The following HKDC1 variants were observed in gnomAD, a reference collection of about 807,000 sequenced individuals.
The protein encoded by HKDC1 is hexokinase domain containing 1.
Under a neutral mutation model 96.6 loss-of-function variants are expected in HKDC1, and 66 were observed. The observed-to-expected ratio is 0.68, with a 90% CI of 0.56 to 0.84. HKDC1 has a LOEUF of 0.84. Among genes scored for constraint, HKDC1 ranks in the 40% least tolerant of loss-of-function variants. The pLI is 0.00. For synonymous variants in HKDC1, 466 were observed against 473.1 expected, an observed-to-expected ratio of 0.98 and a Z score of 0.20; for missense variants, 1,211 against 1,208.1, an observed-to-expected ratio of 1.00 and a Z score of -0.04.
At chr10:69,261,428 CTCT>C (rs1843809207) in intron 16 of HKDC1, 134 bp downstream of exon 16, 5 of 753,054 alleles carry the variant, frequency 6.6e-6, no homozygotes, top group Non-Finnish European at 8.5e-6. Context: ...CCTGGGGCTG[CTCT>C]TCTCTTTCCA....
At position 69,265,835 on chromosome 10, in the gene HKDC1, G is replaced by A; in HGVS notation, c.2606+17G>A. ...GCACCCTCAGTGAGTGCCCACAAGA[G>A]GCGTGGCGGGTGGGGCTGGGGAGGG... On this transcript the variant is annotated intron_variant, in intron 17 of 17. Transcript: ENST00000354624. 1 of 1,587,518 alleles carries A rather than the reference G, an allele frequency of 6.3e-7. No homozygotes were observed. Among genetic ancestry groups the A allele is most frequent in the Non-Finnish European group, 8.6e-7 (1 of 1,160,426 alleles).
At chr10:69,248,853 G>C in intron 10 of HKDC1, 125 bp downstream of exon 10, 1 of 836,100 alleles carries the variant, frequency 1.2e-6, no homozygotes, top group East Asian at 2.7e-5. Context: ...GCAAGAGTAA[G>C]AAGAAGGCTA....
chr10:69,250,462 T>G, intron 11 of HKDC1, 27 bp downstream of exon 11: 1 of 1,611,940 alleles, frequency 6.2e-7, no homozygotes, highest in Non-Finnish European at 8.5e-7. Flanking sequence ...GCCTTTGGGC[T>G]CCGAGGTGCC....
chr10:69,262,743 T>G (rs902847720), intron 16 of HKDC1, among the ~76,000 whole-genome samples: 63 of 152,152 alleles, frequency 4.1e-4, no homozygotes, highest in Non-Finnish European at 7.5e-4. Flanking sequence ...TATGTATTTT[T>G]GGGGTGTAAA....
At chr10:69,261,464 C>T in intron 16 of HKDC1, 170 bp downstream of exon 16, 2 of 603,170 alleles carry the variant, frequency 3.3e-6, no homozygotes, top group Non-Finnish European at 5.7e-6. Flanking sequence ...TCGCTTTCAA[C>T]AATAATAAAC....
intron 7 of HKDC1, 60 bp from the exon 8 acceptor site, chr10:69,246,019 G>T: frequency 1.3e-6 from 2 of 1,591,902 alleles, no homozygotes; most frequent in Non-Finnish European, 1.7e-6. Flanking sequence ...CCTGGTCTTC[G>T]GGAAATGATG....
At position 69,250,561 on chromosome 10, in the gene HKDC1, C is replaced by T; in HGVS notation, c.1745C>T (p.Ala582Val). The change falls in exon 12 of 18, where the codon GCC becomes GTC. Residue 582 changes from alanine (A) to valine (V), a missense_variant. Ala to Val is a moderately conservative substitution (Grantham distance 64, BLOSUM62 0). Transcript: ENST00000354624. ...ELFDHIVQCI[A>V]DFLDYMGLKG... ...TTTGATCACATTGTGCAGTGCATCG[C>T]CGACTTCCTGGACTACATGGGCCTC... The T allele has an allele frequency of 1.2e-6, 2 of 1,614,138 alleles. No homozygotes were observed. Among genetic ancestry groups the T allele is most frequent in the Non-Finnish European group, 1.7e-6 (2 of 1,180,016 alleles).
intron 14 of HKDC1, among the ~76,000 whole-genome samples, chr10:69,258,294 G>A (rs1359116527): frequency 2.0e-5 from 3 of 152,172 alleles, no homozygotes; most frequent in African/African-American, 7.2e-5. Context: ...TGCCTGGACT[G>A]CTGGGCTGAG....
At chr10:69,238,968 C>T (rs2132347676) in intron 4 of HKDC1, 74 bp from the exon 5 acceptor site, 3 of 1,021,188 alleles carry the variant, frequency 2.9e-6, no homozygotes, top group Middle Eastern at 2.1e-4. Context: ...TGCACGTAGG[C>T]ATGAAGTTTC....
intron 12 of HKDC1, among the ~76,000 whole-genome samples, chr10:69,253,685 C>A (rs767858752): frequency 6.6e-6 from 1 of 152,122 alleles, no homozygotes; most frequent in Non-Finnish European, 1.5e-5. Context: ...CCTTCACTTT[C>A]GAGGCAGCAT....
intron 6 of HKDC1, 102 bp from the exon 7 acceptor site, chr10:69,243,080 C>T (rs998359611): frequency 7.5e-6 from 9 of 1,205,816 alleles, no homozygotes; most frequent in Non-Finnish European, 1.1e-5. Flanking sequence ...ATGAAAAGCA[C>T]TTTGTGGTAC....
chr10:69,238,119 C>G (rs1843391076), intron 4 of HKDC1, among the ~76,000 whole-genome samples: 1 of 152,184 alleles, frequency 6.6e-6, no homozygotes, highest in Non-Finnish European at 1.5e-5. Context: ...CTTTCTTTCT[C>G]TTTATTAAGA....
At chr10:69,222,320 T>A (rs1232722825) in intron 1 of HKDC1, among the ~76,000 whole-genome samples, 1 of 152,124 alleles carries the variant, frequency 6.6e-6, no homozygotes, top group Non-Finnish European at 1.5e-5. Context: ...ATTTAGAGAG[T>A]TGAGTTAGAG....
intron 5 of HKDC1, 46 bp from the exon 6 acceptor site, chr10:69,240,604 AAC>A: frequency 6.7e-7 from 1 of 1,495,534 alleles, no homozygotes; most frequent in Non-Finnish European, 9.3e-7. Flanking sequence ...GAGGGAGGGA[AAC>A]ACCTCCTTCC....
intron 4 of HKDC1, among the ~76,000 whole-genome samples, chr10:69,237,533 TC>T (rs754215366): frequency 5.3e-5 from 8 of 152,188 alleles, no homozygotes; most frequent in Non-Finnish European, 1.2e-4. Context: ...TATGGTTGAT[TC>T]TAGTCACCAA....
At chr10:69,222,878 T>A (rs114594626) in intron 1 of HKDC1, 2 of 152,148 alleles carry the variant, frequency 1.3e-5, no homozygotes, top group African/African-American at 4.8e-5. Context: ...GAAACACACC[T>A]GGTCAAAAGG....
intron 10 of HKDC1, among the ~76,000 whole-genome samples, chr10:69,249,957 T>C (rs1218850231): frequency 1.3e-5 from 2 of 152,196 alleles, no homozygotes; most frequent in African/African-American, 4.8e-5. Context: ...ACCTTGCCTC[T>C]CTTGCTCAAG....
chr10:69,243,785 C>A (rs1843493825), intron 7 of HKDC1, among the ~76,000 whole-genome samples: 1 of 152,214 alleles, frequency 6.6e-6, no homozygotes. Flanking sequence ...GCATGAGCCA[C>A]CATGCATGGC....
chr10:69,267,256 A>G lies in HKDC1; in HGVS notation c.*499A>G, dbSNP rs1439032790. On this transcript the variant is annotated 3_prime_UTR_variant, in exon 18 of 18. Transcript: ENST00000354624. ...TCATCTAACTTGTCCTTAACTTGCC[A>G]TGTTGACTTCAAACCTATTAAGAGA... is the stretch of plus-strand genomic sequence containing the variant. The G allele has an allele frequency of 6.3e-6, 2 of 319,012 alleles. No homozygotes were observed. The highest frequency in any genetic ancestry group is 5.5e-5 in the South Asian group (2 of 36,254). 19.8% of individuals were successfully genotyped at this position (319,012 alleles called of 1,614,324 possible).
Sources: gnomAD v4.1 joint callset for allele counts (sites outside exome capture counted in the v4.1 genomes callset) on GRCh38, gnomAD v4.1.1 for gene constraint, MANE v1.5 for transcripts, NCBI Gene and HGNC (gene_info 2026-07-23, HGNC 2026-07-21) for gene names.